The following EPHA6 variants were observed in gnomAD, a reference collection of about 807,000 sequenced individuals.
The protein encoded by EPHA6 is EPH receptor A6, also known as ephrin type-A receptor 6.
Under a neutral mutation model 112.0 loss-of-function variants are expected in EPHA6, and 50 were observed. The observed-to-expected ratio is 0.45, with a 90% CI of 0.36 to 0.56. The LOEUF (loss-of-function observed/expected upper bound fraction) is 0.56. Ranked by LOEUF, EPHA6 falls within the 20% of genes least tolerant of loss-of-function variation. The pLI is 0.00. For missense variants in EPHA6, 1,280 were observed against 1,417.4 expected (o/e 0.90, Z 1.56); for synonymous variants, 529 against 490.7 (o/e 1.08, Z -1.03).
At chr3:97,012,060 T>C (rs1394472166) in intron 3 of EPHA6, among the ~76,000 whole-genome samples, 1 of 152,196 alleles carries the variant, frequency 6.6e-6, no homozygotes, top group East Asian at 1.9e-4. Context: ...GCTACACAAT[T>C]GGTGGGCACC....
intron 10 of EPHA6, among the ~76,000 whole-genome samples, chr3:97,527,995 A>T (rs2092646634): frequency 6.6e-6 from 1 of 152,024 alleles, no homozygotes; most frequent in Non-Finnish European, 1.5e-5. Context: ...TAATCTTAGG[A>T]CTCGCACCAT....
At chr3:96,933,425 A>G (rs1246274046) in intron 2 of EPHA6, among the ~76,000 whole-genome samples, 1 of 151,834 alleles carries the variant, frequency 6.6e-6, no homozygotes. Flanking sequence ...ATGTTTATAA[A>G]AACTTTAGTT....
At chr3:97,098,435 A>G (rs1343554808) in intron 3 of EPHA6, among the ~76,000 whole-genome samples, 1 of 151,852 alleles carries the variant, frequency 6.6e-6, no homozygotes, top group Non-Finnish European at 1.5e-5. Flanking sequence ...AAGCTTTCTT[A>G]TGCATTAGAT....
At chr3:97,084,884 A>G (rs2046845355) in intron 3 of EPHA6, among the ~76,000 whole-genome samples, 1 of 152,164 alleles carries the variant, frequency 6.6e-6, no homozygotes, top group African/African-American at 2.4e-5. Flanking sequence ...TTATTTTAAA[A>G]CTTTAGTTAT....
chr3:96,902,160 C>T (rs1272056689), intron 2 of EPHA6, among the ~76,000 whole-genome samples: 1 of 152,174 alleles, frequency 6.6e-6, no homozygotes, highest in African/African-American at 2.4e-5. Context: ...CATTATTTAA[C>T]ATCTTATGAA....
chr3:97,315,709 CAT>C (rs2081797082), intron 5 of EPHA6, among the ~76,000 whole-genome samples: 1 of 151,676 alleles, frequency 6.6e-6, no homozygotes, highest in African/African-American at 2.4e-5. Context: ...CTATTCAAAA[CAT>C]AAAAAAGCTT....
chr3:97,532,210 C>A, intron 10 of EPHA6, 148 bp from the exon 11 acceptor site: 2 of 648,782 alleles, frequency 3.1e-6, no homozygotes, highest in East Asian at 3.0e-5. Flanking sequence ...TCCTTATAAA[C>A]TTACTCTTTA....
chr3:97,586,556 G>A (rs1390921085), intron 11 of EPHA6, among the ~76,000 whole-genome samples: 2 of 152,036 alleles, frequency 1.3e-5, no homozygotes, highest in Non-Finnish European at 2.9e-5. Flanking sequence ...AAAAAAAAGA[G>A]AGAGGCATGT....
At chr3:96,922,087 G>A (rs536789410) in intron 2 of EPHA6, among the ~76,000 whole-genome samples, 46 of 152,152 alleles carry the variant, frequency 3.0e-4, no homozygotes, top group African/African-American at 9.9e-4. Flanking sequence ...GCCTTTTTAA[G>A]AAAAGCCTTT....
rs1484869801 is a variant in EPHA6 at position 97,750,178 on chromosome 3, G to T, written c.*1477G>T. Among the ~76,000 whole-genome samples the T allele has an allele frequency of 6.6e-6, 1 of 152,068 alleles. No individual in the cohort carries two copies. Among genetic ancestry groups the T allele is most frequent in the Non-Finnish European group, 1.5e-5 (1 of 68,006 alleles). On this transcript the variant is annotated 3_prime_UTR_variant, in exon 18 of 18. Coordinates refer to ENST00000389672, the MANE Select transcript of EPHA6 (RefSeq NM_001080448.3). ...AAATGTGTTGAGAGAAAAAAACAGA[G>T]TAGGTTGTCTAAAGATGCTGATTTA... is the stretch of plus-strand genomic sequence containing the variant.
chr3:97,537,347 G>A (rs1377123821), intron 11 of EPHA6, among the ~76,000 whole-genome samples: 13 of 152,016 alleles, frequency 8.6e-5, no homozygotes, highest in Non-Finnish European at 1.6e-4. Flanking sequence ...AATATTTAGT[G>A]AGTTTGACCA....
At chr3:97,731,574 T>C (rs993878873) in intron 15 of EPHA6, among the ~76,000 whole-genome samples, 12 of 152,068 alleles carry the variant, frequency 7.9e-5, no homozygotes, top group African/African-American at 2.9e-4. Flanking sequence ...ATAATATTAA[T>C]CTATTATTCA....
At chr3:96,953,249 G>A (rs2041623644) in intron 2 of EPHA6, among the ~76,000 whole-genome samples, 2 of 152,020 alleles carry the variant, frequency 1.3e-5, no homozygotes. Context: ...GATGAAAAAT[G>A]TATATTTCTA....
intron 3 of EPHA6, among the ~76,000 whole-genome samples, chr3:97,119,431 A>G (rs183522495): frequency 2.0e-5 from 3 of 152,108 alleles, no homozygotes; most frequent in Admixed American, 1.3e-4. Flanking sequence ...AGGTCCATCA[A>G]CTAGTGAGAT....
rs944072419 is a variant in EPHA6, at chr3:97,463,221, G to A, written c.1895-12131G>A. 2.0e-5 allele frequency among the ~76,000 whole-genome samples: 3 copies of A among 151,910 alleles called. No homozygotes were observed. The East Asian group carries it at 5.8e-4, about 29-fold the overall frequency. ...ACCCATTAACTCGTCATTTACATTA[G>A]GTATATCTCCTAATGCTTTTTTAAG... On this transcript the variant is annotated intron_variant, in intron 7 of 17. Coordinates refer to ENST00000389672, the MANE Select transcript of EPHA6 (RefSeq NM_001080448.3).
chr3:97,502,188 T>TG (rs2092138056), intron 10 of EPHA6, among the ~76,000 whole-genome samples: 2 of 148,984 alleles, frequency 1.3e-5, no homozygotes, highest in African/African-American at 5.0e-5. Context: ...TTTTTTTTTT[T>TG]GACAGAATCT....
intron 3 of EPHA6, among the ~76,000 whole-genome samples, chr3:97,023,636 G>A (rs774817065): frequency 8.6e-5 from 13 of 151,188 alleles, no homozygotes; most frequent in Non-Finnish European, 1.6e-4. Flanking sequence ...TATAGTATAT[G>A]ACCTTTAGAA....
At chr3:97,477,034 C>A (rs1010385692) in intron 8 of EPHA6, among the ~76,000 whole-genome samples, 3 of 152,070 alleles carry the variant, frequency 2.0e-5, no homozygotes, top group African/African-American at 7.2e-5. Context: ...AATTTGGGCA[C>A]AACATGTTGC....
At chr3:97,508,493 G>A (rs1224083972) in intron 10 of EPHA6, among the ~76,000 whole-genome samples, 1 of 152,164 alleles carries the variant, frequency 6.6e-6, no homozygotes, top group East Asian at 1.9e-4. Flanking sequence ...TCTTAATCCT[G>A]AGTTCTAATT....
Sources: gnomAD v4.1 joint callset for allele counts (sites outside exome capture counted in the v4.1 genomes callset) on GRCh38, gnomAD v4.1.1 for gene constraint, MANE v1.5 for transcripts, NCBI Gene and HGNC (gene_info 2026-07-23, HGNC 2026-07-21) for gene names.